The following OLAH variants were observed in gnomAD, a reference collection of about 807,000 sequenced individuals.
The protein encoded by OLAH is S-acyl fatty acid synthase thioesterase, medium chain.
A neutral mutation model predicts 27.8 loss-of-function variants in OLAH; 33 were observed. The ratio of observed to expected loss-of-function variants is 1.19; its 90% CI spans 0.90 to 1.59. The LOEUF is 1.59. Among genes scored for constraint, OLAH ranks in the 40% most tolerant of loss-of-function variants. The probability of loss-of-function intolerance (pLI) is 0.00; values close to 1 mark genes in which losing one functional copy is unlikely to be tolerated. For missense variants in OLAH, 359 were observed against 310.8 expected (o/e 1.16, Z -1.17); for synonymous variants, 120 against 102.9 (o/e 1.17, Z -1.01).
rs187028119 is a variant in OLAH, at chr10:15,050,784, G to A, written c.163+1019G>A. 5.9e-3 allele frequency among the ~76,000 whole-genome samples: 894 copies of A among 151,328 alleles called. 7 individuals are homozygous for A. Among genetic ancestry groups the A allele is most frequent in the African/African-American group, 0.021 (856 of 41,320 alleles). ...TCTCAATCTCCTGACCTTGTGATCC[G>A]CCCGCCTCGGCCTCCCAAAGTGCTC... On this transcript the variant is annotated intron_variant, in intron 3 of 7. Coordinates refer to ENST00000378228, the MANE Select transcript of OLAH (RefSeq NM_001039702.3).
In OLAH at chr10:15,065,601, C is replaced by A; in HGVS notation, c.420C>A (p.Arg140=). ...ATPVHSKAWH[R]IPKDDELSEE... ...GTTTCAAGTCAAAGGCCTGGCATCG[C>A]ATTCCCAAAGATGATGAATTGTCAG... The change falls in exon 6 of 8, where the codon CGC becomes CGA. Residue 140 remains arginine (R), a synonymous_variant. Coordinates refer to ENST00000378228, the MANE Select transcript of OLAH (RefSeq NM_001039702.3). The A allele has an allele frequency of 4.3e-6, 7 of 1,610,966 alleles. No homozygotes were observed. Among genetic ancestry groups the A allele is most frequent in the Non-Finnish European group, 5.9e-6 (7 of 1,179,098 alleles).
chr10:15,033,305 T>C (rs961725390), intron 1 of OLAH, among the ~76,000 whole-genome samples: 5 of 152,140 alleles, frequency 3.3e-5, no homozygotes, highest in African/African-American at 9.7e-5. Context: ...ACTGACTGAA[T>C]TGAGATAAAG....
At chr10:15,062,530 AG>A (rs1844387625) in intron 4 of OLAH, among the ~76,000 whole-genome samples, 1 of 151,662 alleles carries the variant, frequency 6.6e-6, no homozygotes, top group Non-Finnish European at 1.5e-5. Context: ...TTCACTTAAA[AG>A]CAATGTACAC....
At chr10:15,050,670 A>G (rs1487818761) in intron 3 of OLAH, among the ~76,000 whole-genome samples, 1 of 150,646 alleles carries the variant, frequency 6.6e-6, no homozygotes, top group South Asian at 2.1e-4. Context: ...CCTCCCAAGT[A>G]GCTGGAACTA....
At chr10:15,034,666 G>A (rs1184697210) in intron 1 of OLAH, among the ~76,000 whole-genome samples, 1 of 152,164 alleles carries the variant, frequency 6.6e-6, no homozygotes, top group Non-Finnish European at 1.5e-5. Flanking sequence ...CTCTGTGATG[G>A]ACTAATCAGT....
chr10:15,050,755 A>G (rs934765062), intron 3 of OLAH, among the ~76,000 whole-genome samples: 4 of 151,194 alleles, frequency 2.6e-5, no homozygotes, highest in African/African-American at 9.7e-5. Context: ...GTTAGCCAGG[A>G]TGGTCTCAAT....
chr10:15,061,692 G>A (rs375826671), intron 3 of OLAH, 32 bp from the exon 4 acceptor site: 77 of 1,568,312 alleles, frequency 4.9e-5, no homozygotes, highest in Middle Eastern at 1.7e-4. Context: ...TTCACTGTCT[G>A]TGCGTGTTCA....
chr10:15,069,807 A>C (rs945836790), intron 6 of OLAH, among the ~76,000 whole-genome samples: 3 of 152,150 alleles, frequency 2.0e-5, no homozygotes, highest in South Asian at 2.1e-4. Context: ...CAGAGGTTGC[A>C]ATGAGCTGAA....
chr10:15,063,616 C>G (rs1345414415), intron 4 of OLAH, among the ~76,000 whole-genome samples: 1 of 152,082 alleles, frequency 6.6e-6, no homozygotes, highest in Non-Finnish European at 1.5e-5. Flanking sequence ...TCCCAGTACC[C>G]CTTTATACTT....
rs112586031 is a variant in OLAH at position 15,047,152 on chromosome 10, C to T, written c.-137C>T. The T allele has an allele frequency of 1.7e-5, 12 of 697,056 alleles. No individual in the cohort carries two copies. Among genetic ancestry groups the T allele is most frequent in the Non-Finnish European group, 2.6e-5 (11 of 428,596 alleles). 43.2% of individuals were successfully genotyped at this position (697,056 alleles called of 1,614,324 possible). A position where few individuals can be genotyped will look rare whatever the true frequency, so the allele number is the denominator to read the frequency against. ...GATTGGAGAGGTCAATAAGAGTCAG[C>T]GCCTTTAAAAAGAAATCTACTCACT... is the stretch of plus-strand genomic sequence containing the variant. On this transcript the variant is annotated 5_prime_UTR_variant, in exon 2 of 8. Transcript: ENST00000378228.
chr10:15,039,092 GGTGTGCACCTCTAGTCCTAGTTAC>G (rs928469694), upstream of OLAH, among the ~76,000 whole-genome samples: 3 of 151,872 alleles, frequency 2.0e-5, no homozygotes, highest in African/African-American at 7.3e-5. Flanking sequence ...CAGGTGTGGT[GGTGTGCACCTCTAGTCCTAGTTAC>G]TCGGGAGGCT....
intron 2 of OLAH, among the ~76,000 whole-genome samples, chr10:15,047,809 C>T (rs1212717593): frequency 2.0e-5 from 3 of 152,104 alleles, no homozygotes; most frequent in Non-Finnish European, 4.4e-5. Context: ...ATTATCCACC[C>T]CCCCAAAAAA....
chr10:15,058,955 C>CT, intron 3 of OLAH, among the ~76,000 whole-genome samples: 1 of 143,044 alleles, frequency 7.0e-6, no homozygotes, highest in East Asian at 2.1e-4. Flanking sequence ...TCCCTTCCCT[C>CT]CCTCCTTCCC....
At chr10:15,071,674 C>T (rs529663710) in intron 6 of OLAH, 121 bp from the exon 7 acceptor site, 4 of 1,448,778 alleles carry the variant, frequency 2.8e-6, no homozygotes, top group Admixed American at 4.7e-5. Flanking sequence ...ATGTTTTACA[C>T]TGCTAGAGTA....
intron 6 of OLAH, among the ~76,000 whole-genome samples, chr10:15,071,057 T>C (rs1159935401): frequency 1.3e-5 from 2 of 152,268 alleles, no homozygotes; most frequent in East Asian, 3.9e-4. Flanking sequence ...GTGCTGGTAT[T>C]ATGGTGTGAA....
In OLAH at chr10:15,071,779, T is replaced by C; in HGVS notation, c.573-16T>C. The stretch of plus-strand genomic sequence containing the variant: ...TGATTTCAAACAATTACTAACCAGC[T>C]CTTTTATGTTTATAGCTCTAACGTA... On this transcript the variant is annotated splice_polypyrimidine_tract_variant and intron_variant, in intron 6 of 7. Transcript: ENST00000378228. 6.3e-7 allele frequency: 1 copy of C among 1,588,208 alleles called. No homozygotes were observed. The highest frequency in any genetic ancestry group is 8.6e-7 in the Non-Finnish European group (1 of 1,161,408).
intron 1 of OLAH, among the ~76,000 whole-genome samples, chr10:15,038,415 A>G (rs2131328265): frequency 6.6e-6 from 1 of 152,266 alleles, no homozygotes; most frequent in South Asian, 2.1e-4. Context: ...ATAATACTGT[A>G]TCCCCACCGA....
chr10:15,072,878 G>A (rs1268727248), intron 7 of OLAH, among the ~76,000 whole-genome samples: 1 of 152,038 alleles, frequency 6.6e-6, no homozygotes, highest in East Asian at 1.9e-4. Flanking sequence ...GGCTGATGAT[G>A]CCTTTTGGAT....
intron 1 of OLAH, among the ~76,000 whole-genome samples, chr10:15,035,024 A>C (rs1400509592): frequency 1.3e-5 from 2 of 151,536 alleles, no homozygotes; most frequent in Non-Finnish European, 2.9e-5. Context: ...CTGGTCACGA[A>C]CTCCTGACGT....
Sources: allele counts gnomAD v4.1 joint callset (sites outside exome capture counted in the v4.1 genomes callset), GRCh38; gene constraint gnomAD v4.1.1; transcripts MANE v1.5; gene names NCBI Gene and HGNC (gene_info 2026-07-23, HGNC 2026-07-21).